Variants in BMS1 observed in about 807,000 individuals in gnomAD.
The protein encoded by BMS1 is BMS1 ribosome biogenesis factor, also known as ribosome biogenesis protein BMS1 homolog.
BMS1 carries 53 observed loss-of-function variants against 138.7 expected under a neutral mutation model. The ratio of observed to expected loss-of-function variants is 0.38; its 90% CI spans 0.31 to 0.48. The LOEUF (loss-of-function observed/expected upper bound fraction) is 0.48. Ranked by LOEUF, BMS1 falls within the 20% of genes least tolerant of loss-of-function variation. The pLI is 0.97. For missense variants in BMS1, 1,360 were observed against 1,565.5 expected (o/e 0.87, Z 2.22); for synonymous variants, 504 against 539.9 (o/e 0.93, Z 0.92).
At chr10:42,797,551 A>G (rs1242629018) in intron 11 of BMS1, 28 bp downstream of exon 11, 1 of 1,595,008 alleles carries the variant, frequency 6.3e-7, no homozygotes, top group East Asian at 2.2e-5. Context: ...AGAACTAGAA[A>G]TGTTTTAGTT....
At chr10:42,822,889 G>A (rs879232860) in intron 19 of BMS1, among the ~76,000 whole-genome samples, 3 of 152,282 alleles carry the variant, frequency 2.0e-5, no homozygotes, top group East Asian at 1.9e-4. Flanking sequence ...CACAGACAGC[G>A]GTGATGAGCA....
chr10:42,808,077 T>C (rs919823850), intron 13 of BMS1, among the ~76,000 whole-genome samples: 3 of 152,170 alleles, frequency 2.0e-5, no homozygotes, highest in Admixed American at 6.5e-5. Flanking sequence ...TTTGCATTTT[T>C]ATATCTTCTA....
Position 42,796,684 on chromosome 10 carries a change from T to A in BMS1, c.1440T>A (p.Val480=). The change falls in exon 10 of 23, where the codon GTT becomes GTA. Residue 480 remains valine (V), a synonymous_variant. Transcript: ENST00000374518. ...AGATGACTGATCAGTATATGGCTGT[T>A]AAGGGCATCAAACGACGGAAACTTG... is the stretch of plus-strand genomic sequence containing the variant. The part of the protein sequence containing the change: ...NAEMTDQYMA[V]KGIKRRKLEL... 6.2e-7 allele frequency: 1 copy of A among 1,614,170 alleles called. No homozygotes were observed. The highest frequency in any genetic ancestry group is 8.5e-7 in the Non-Finnish European group (1 of 1,180,030).
intron 15 of BMS1, 88 bp downstream of exon 15, chr10:42,817,582 T>C (rs901058977): frequency 7.4e-5 from 96 of 1,303,834 alleles, no homozygotes; most frequent in Non-Finnish European, 9.0e-5. Flanking sequence ...CTACGTCCTA[T>C]CCTGCTTCTG....
At position 42,788,897 on chromosome 10, in the gene BMS1, A is replaced by G. The variant is rs577445098; in HGVS notation, c.448-1426A>G. 6.6e-5 allele frequency among the ~76,000 whole-genome samples: 10 copies of G among 152,350 alleles called. No homozygotes were observed. In the East Asian group the frequency reaches 1.2e-3, roughly 18 times the overall value. ...GGTAGCTTATTTTACACACTGTTCT[A>G]TGCTTTGCTTTTTTCATATAATGTA... On this transcript the variant is annotated intron_variant, in intron 4 of 22. Coordinates refer to ENST00000374518, the MANE Select transcript of BMS1 (RefSeq NM_014753.4).
rs1841256703 is a variant in BMS1 at position 42,784,434 on chromosome 10, A to C, written c.40A>C (p.Ser14Arg). Residue 14 changes from serine to arginine, a missense_variant, in exon 2 of 23, where the codon AGT (serine) becomes CGT (arginine). This residue lies in a region of BMS1 where 238 missense variants were observed against 311.1 expected (regional missense o/e 0.77). Coordinates refer to ENST00000374518, the MANE Select transcript of BMS1 (RefSeq NM_014753.4). ...KDQKKHRKKN[S>R]GPKAAKKKKR... ...CCAGAAGAAACACAGAAAGAAAAAC[A>C]GTGGACCCAAAGCTGCAAAGAAAAA... 1 of 1,612,568 alleles carries C rather than the reference A, an allele frequency of 6.2e-7. No individual in the cohort carries two copies.
chr10:42,792,076 C>T (rs892904959), intron 6 of BMS1, among the ~76,000 whole-genome samples: 5 of 152,140 alleles, frequency 3.3e-5, no homozygotes, highest in African/African-American at 7.2e-5. Context: ...TTGAGTCCTT[C>T]GTGTGTGCCT....
chr10:42,810,200 G>A (rs200156277), intron 13 of BMS1, among the ~76,000 whole-genome samples: 1 of 102,638 alleles, frequency 9.7e-6, no homozygotes, highest in African/African-American at 3.6e-5. Flanking sequence ...AAATGTGTGT[G>A]TTTTTTTGTT....
chr10:42,829,175 G>A (rs1208865794), intron 21 of BMS1, among the ~76,000 whole-genome samples: 1 of 152,128 alleles, frequency 6.6e-6, no homozygotes, highest in African/African-American at 2.4e-5. Flanking sequence ...AGCCAGGCGT[G>A]GTGGCGGGCG....
Position 42,833,726 on chromosome 10 carries a change from C to G in BMS1, c.*2630C>G, listed in dbSNP as rs543598244. 3 of 152,338 alleles carry G rather than the reference C, an allele frequency of 2.0e-5. No homozygotes were observed. Among genetic ancestry groups the G allele is most frequent in the South Asian group, 4.1e-4 (2 of 4,828 alleles). The allele number at this position is 152,338 out of a possible 1,614,324, so 9.4% of individuals were successfully genotyped here. On this transcript the variant is annotated 3_prime_UTR_variant, in exon 23 of 23. Coordinates refer to ENST00000374518, the MANE Select transcript of BMS1 (RefSeq NM_014753.4). Reference sequence around the variant, plus strand: ...TTTTGCTGTGAGTTTGCATCCATCTCATAGGAAGACATATATCAAAATAAG... The same window carrying G: ...TTTTGCTGTGAGTTTGCATCCATCTGATAGGAAGACATATATCAAAATAAG...
chr10:42,822,118 A>C lies in BMS1; in HGVS notation c.3066A>C (p.Lys1022Asn), dbSNP rs1842518951. The C allele has an allele frequency of 1.3e-6, 2 of 1,573,630 alleles. No individual in the cohort carries two copies. The highest frequency in any genetic ancestry group is 2.7e-5 in the African/African-American group (2 of 74,274). Residue 1022 changes from lysine (K) to asparagine (N), a missense_variant, in exon 19 of 23, where the codon AAA becomes AAC. Transcript: ENST00000374518. Reference protein sequence around the residue: ...GVVLDLDKSIKIVKKLKLTGF... With the variant: ...GVVLDLDKSINIVKKLKLTGF... ...TCCTTGATCTGGATAAATCCATAAA[A>C]ATTGTGAAGAAATTAAAGCTAACTG...
chr10:42,829,770 G>A lies in BMS1; in HGVS notation c.3457-491G>A, dbSNP rs188303087. ...CCAGGAGGTGGAGGTTGCATGAGCC[G>A]AGATCACGGCACTGCTCTCTAGCCT... On this transcript the variant is annotated intron_variant, in intron 21 of 22. Transcript: ENST00000374518. Among the ~76,000 whole-genome samples the A allele has an allele frequency of 9.9e-5, 15 of 152,202 alleles. No individual in the cohort carries two copies. In the East Asian group the frequency reaches 1.2e-3, roughly 12 times the overall value.
Position 42,820,537 on chromosome 10 carries a change from G to GA in BMS1, c.2803dup (p.Ile935AsnfsTer71). ...GTCTGAAGAAACATCGCTGGTATAA[G>GA]AAAATCCTCAAGTCCCGAGATCCAA... On this transcript the variant is annotated frameshift_variant, in exon 17 of 23. Transcript: ENST00000374518. LOFTEE classifies it high-confidence loss of function. 1 of 1,610,646 alleles carries GA rather than the reference G, an allele frequency of 6.2e-7. No individual in the cohort carries two copies. The highest frequency in any genetic ancestry group is 8.5e-7 in the Non-Finnish European group (1 of 1,179,434).
At chr10:42,821,243 C>G (rs2419097) in intron 18 of BMS1, among the ~76,000 whole-genome samples, 4 of 152,100 alleles carry the variant, frequency 2.6e-5, no homozygotes, top group Non-Finnish European at 5.9e-5. Context: ...TAAGCAAGTA[C>G]TTAAGCAGTG....
At position 42,823,284 on chromosome 10, in the gene BMS1, G is replaced by A. The variant is rs745446842; in HGVS notation, c.3280+19G>A. 6.5e-7 allele frequency: 1 copy of A among 1,542,654 alleles called. No individual in the cohort carries two copies. The highest frequency in any genetic ancestry group is 1.3e-5 in the South Asian group (1 of 77,350). ...ATGAGCGGTGAGTGTCTTGAGTAGT[G>A]TTCAGGGCAGGGTGTTACCATTCAT... On this transcript the variant is annotated intron_variant, in intron 20 of 22. Transcript: ENST00000374518.
intron 13 of BMS1, among the ~76,000 whole-genome samples, chr10:42,807,519 G>C (rs1348949495): frequency 6.6e-6 from 1 of 152,108 alleles, no homozygotes; most frequent in Non-Finnish European, 1.5e-5. Flanking sequence ...TGCCCAGTCT[G>C]GGGTGCAGTG....
intron 21 of BMS1, among the ~76,000 whole-genome samples, chr10:42,825,866 T>C (rs1248052825): frequency 7.2e-5 from 11 of 152,364 alleles, no homozygotes; most frequent in Non-Finnish European, 1.3e-4. Context: ...GAAAAGCTTT[T>C]AGTTGTTCCC....
chr10:42,790,620 G>C, intron 5 of BMS1, 109 bp downstream of exon 5: 1 of 1,182,638 alleles, frequency 8.5e-7, no homozygotes, highest in South Asian at 1.5e-5. Flanking sequence ...TTGCAAGGCA[G>C]AGGCGGTCGG....
rs1842488382 is a variant in BMS1, at chr10:42,820,947, A to G, written c.2964A>G (p.Pro988=). 1.2e-6 allele frequency: 2 copies of G among 1,603,200 alleles called. No individual in the cohort carries two copies. Among genetic ancestry groups the G allele is most frequent in the African/African-American group, 1.3e-5 (1 of 74,894 alleles). The stretch of plus-strand genomic sequence containing the variant: ...TTTTCCTTTAAGGCCCTATCACTCC[A>G]CAGGGAACTGGTTTCTTGGCAATAC... The part of the protein sequence containing the change: ...CGAAFWGPIT[P]QGTGFLAIQS... Residue 988 remains proline (P), a synonymous_variant, in exon 18 of 23, where the codon CCA becomes CCG. Transcript: ENST00000374518.
Sources: gnomAD v4.1 joint callset for allele counts (sites outside exome capture counted in the v4.1 genomes callset) on GRCh38, gnomAD v4.1.1 for gene constraint, gnomAD v4.1.1 regional missense constraint, MANE v1.5 for transcripts, NCBI Gene and HGNC (gene_info 2026-07-23, HGNC 2026-07-21) for gene names.